Variants in NLGN4X observed in about 807,000 individuals in gnomAD.
The protein encoded by NLGN4X is neuroligin 4 X-linked.
A neutral mutation model predicts 40.3 loss-of-function variants in NLGN4X; 3 were observed. The ratio of observed to expected loss-of-function variants is 0.07; its 90% CI spans 0.03 to 0.19. The LOEUF (loss-of-function observed/expected upper bound fraction) is 0.19. Among genes scored for constraint, NLGN4X ranks in the 10% least tolerant of loss-of-function variants. The pLI, the probability that NLGN4X is intolerant of heterozygous loss-of-function variation, is 1.00. For synonymous variants in NLGN4X, 270 were observed against 306.8 expected (o/e 0.88, Z 1.25); for missense variants, 382 against 708.3 (o/e 0.54, Z 5.23).
intron 1 of NLGN4X, among the ~76,000 whole-genome samples, chrX:6,156,426 G>A (rs1044977557): frequency 3.6e-5 from 4 of 111,151 alleles, no homozygotes; most frequent in South Asian, 7.6e-4. Context: ...GGAGAATAGC[G>A]TGAACCCAGG....
At chrX:5,902,042 T>C (rs1479878391) in intron 5 of NLGN4X, among the ~76,000 whole-genome samples, 2 of 110,348 alleles carry the variant, frequency 1.8e-5, no homozygotes, top group East Asian at 2.8e-4. Context: ...AAGTGGTACA[T>C]GTGCTGTGAT....
At chrX:6,191,408 G>A (rs1922525585) in intron 1 of NLGN4X, among the ~76,000 whole-genome samples, 1 of 111,732 alleles carries the variant, frequency 8.9e-6, no homozygotes, top group Non-Finnish European at 1.9e-5. Flanking sequence ...TGCTCTAAAG[G>A]GGGCTTGATC....
At chrX:6,005,585 G>A (rs2036084442) in intron 3 of NLGN4X, among the ~76,000 whole-genome samples, 2 of 111,008 alleles carry the variant, frequency 1.8e-5, no homozygotes, top group African/African-American at 6.6e-5. Flanking sequence ...AAGCCTCAAC[G>A]TCTCTCTCAT....
At chrX:5,981,743 T>C (rs1176603616) in intron 3 of NLGN4X, among the ~76,000 whole-genome samples, 1 of 110,963 alleles carries the variant, frequency 9.0e-6, no homozygotes, top group Non-Finnish European at 1.9e-5. Context: ...AGATAAATAA[T>C]CACAAGGGTA....
chrX:6,151,409 T>C lies in NLGN4X; in HGVS notation c.58A>G (p.Met20Val). The C allele has an allele frequency of 8.3e-7, 1 of 1,211,624 alleles. No individual in the cohort carries two copies. The highest frequency in any genetic ancestry group is 1.8e-5 in the South Asian group (1 of 56,949). Residue 20 changes from methionine (M) to valine (V), a missense_variant, in exon 2 of 6, where the codon ATG (methionine) becomes GTG (valine). Transcript: ENST00000381095. ...LPLLFTPVCVMLNSNVLLWLT... is the reference protein window; with the variant it reads ...LPLLFTPVCVVLNSNVLLWLT... The stretch of plus-strand genomic sequence containing the variant: ...CACAGGAGGACATTGGAGTTTAACA[T>C]GACGCAGACCGGGGTGAACAACAAA...
At chrX:5,910,901 G>A (rs760412477) in intron 3 of NLGN4X, among the ~76,000 whole-genome samples, 13 of 111,474 alleles carry the variant, frequency 1.2e-4, no homozygotes, top group African/African-American at 3.6e-4. Flanking sequence ...GGGATGTGAC[G>A]GGAGATTAGC....
chrX:5,952,573 G>A (rs747007117), intron 3 of NLGN4X, among the ~76,000 whole-genome samples: 1 of 110,920 alleles, frequency 9.0e-6, no homozygotes, highest in African/African-American at 3.3e-5. Flanking sequence ...TTAGTTATTC[G>A]AATTCCAATT....
At chrX:6,002,646 G>A (rs1252898961) in intron 3 of NLGN4X, among the ~76,000 whole-genome samples, 1 of 111,924 alleles carries the variant, frequency 8.9e-6, no homozygotes, top group Non-Finnish European at 1.9e-5. Flanking sequence ...AGAAGAGAGC[G>A]GGTTCCCGGT....
intron 2 of NLGN4X, among the ~76,000 whole-genome samples, chrX:6,149,404 G>C (rs1380518694): frequency 1.8e-5 from 2 of 111,979 alleles, no homozygotes; most frequent in Non-Finnish European, 3.8e-5. Context: ...TGTTTGGGGG[G>C]TTTTCTCCCC....
intron 1 of NLGN4X, among the ~76,000 whole-genome samples, chrX:6,225,057 ATGTCTG>A (rs1158022278): frequency 2.2e-5 from 2 of 92,805 alleles, no homozygotes; most frequent in African/African-American, 8.0e-5. Flanking sequence ...GCGTGTGTGT[ATGTCTG>A]TATACACACA....
intron 2 of NLGN4X, 81 bp from the exon 3 acceptor site, chrX:6,029,513 C>A: frequency 1.0e-6 from 1 of 982,645 alleles, no homozygotes; most frequent in South Asian, 2.1e-5. Context: ...AAAGGAGATT[C>A]ACTGATTTCC....
intron 3 of NLGN4X, among the ~76,000 whole-genome samples, chrX:6,026,502 T>C (rs1333769696): frequency 1.8e-5 from 2 of 111,925 alleles, no homozygotes; most frequent in African/African-American, 3.2e-5. Context: ...AGGAGTTTCC[T>C]GCAAGCAAAA....
At chrX:6,144,265 G>A (rs963404140) in intron 2 of NLGN4X, among the ~76,000 whole-genome samples, 5 of 111,661 alleles carry the variant, frequency 4.5e-5, no homozygotes, top group African/African-American at 1.6e-4. Context: ...AGAAATTCTT[G>A]GAAGTAGAAT....
chrX:6,084,623 C>T (rs2038452070), intron 2 of NLGN4X, among the ~76,000 whole-genome samples: 1 of 111,538 alleles, frequency 9.0e-6, no homozygotes, highest in Non-Finnish European at 1.9e-5. Flanking sequence ...ATGTGTTCCC[C>T]GAATTCATGC....
intron 2 of NLGN4X, among the ~76,000 whole-genome samples, chrX:6,072,854 AAC>A (rs1170878185): frequency 8.9e-6 from 1 of 111,809 alleles, no homozygotes; most frequent in Non-Finnish European, 1.9e-5. Flanking sequence ...CATCTCTCCA[AAC>A]ACAAGGGCTG....
chrX:5,931,936 CTT>C (rs1276027685), intron 3 of NLGN4X, among the ~76,000 whole-genome samples: 1 of 111,550 alleles, frequency 9.0e-6, no homozygotes, highest in Non-Finnish European at 1.9e-5. Flanking sequence ...ACTCTTGTCT[CTT>C]ATAAAGAATG....
At chrX:6,001,767 C>T (rs779644165) in intron 3 of NLGN4X, among the ~76,000 whole-genome samples, 1 of 109,213 alleles carries the variant, frequency 9.2e-6, no homozygotes, top group Admixed American at 9.8e-5. Context: ...GGTAAATAAG[C>T]TACTGATAAA....
chrX:6,097,590 A>G (rs182762050), intron 2 of NLGN4X, among the ~76,000 whole-genome samples: 1 of 111,957 alleles, frequency 8.9e-6, no homozygotes, highest in Admixed American at 9.5e-5. Context: ...GATGGAGAGT[A>G]GAGAAACACT....
intron 2 of NLGN4X, among the ~76,000 whole-genome samples, chrX:6,044,091 A>C (rs1047978760): frequency 9.8e-6 from 1 of 102,227 alleles, no homozygotes; most frequent in Non-Finnish European, 2.0e-5. Flanking sequence ...ACATAATGAG[A>C]ACCTGTTTCT....
Sources: allele counts gnomAD v4.1 joint callset (sites outside exome capture counted in the v4.1 genomes callset), GRCh38; gene constraint gnomAD v4.1.1; transcripts MANE v1.5; gene names NCBI Gene and HGNC (gene_info 2026-07-23, HGNC 2026-07-21).